Variants in GABRB3 observed in about 807,000 individuals in gnomAD.
GABRB3 encodes the protein gamma-aminobutyric acid receptor subunit beta-3.
A neutral mutation model predicts 52.1 loss-of-function variants in GABRB3; 14 were observed. The ratio of observed to expected loss-of-function variants is 0.27; its 90% CI spans 0.18 to 0.42. GABRB3 has a LOEUF of 0.42. Ranked by LOEUF, GABRB3 falls within the 10% of genes least tolerant of loss-of-function variation. The pLI is 1.00. For synonymous variants in GABRB3, 260 were observed against 232.3 expected (o/e 1.12, Z -1.08); for missense variants, 307 against 609.1 (o/e 0.50, Z 5.22).
rs28655093 is a variant in GABRB3, at chr15:26,551,842, G to C, written c.1081-3708C>G. On this transcript the variant is annotated intron_variant, in intron 8 of 8. Coordinates refer to ENST00000311550, the MANE Select transcript of GABRB3 (RefSeq NM_000814.6). Reference sequence around the variant, plus strand: ...GGCTGAGTGCTTGGAGATGGGAATGGACCGAGATCACACCACCTGTGCTGG... The same window carrying C: ...GGCTGAGTGCTTGGAGATGGGAATGCACCGAGATCACACCACCTGTGCTGG... Among the ~76,000 whole-genome samples, 1,277 of 151,054 alleles carry C rather than the reference G, an allele frequency of 8.5e-3. 18 individuals are homozygous for C. Among genetic ancestry groups the C allele is most frequent in the African/African-American group, 0.03 (1,220 of 41,050 alleles).
At chr15:26,601,457 A>G (rs1239541075) in intron 4 of GABRB3, among the ~76,000 whole-genome samples, 1 of 152,136 alleles carries the variant, frequency 6.6e-6, no homozygotes, top group Non-Finnish European at 1.5e-5. Flanking sequence ...TACTACAGAA[A>G]GCCACCACAA....
intron 3 of GABRB3, among the ~76,000 whole-genome samples, chr15:26,626,688 A>C (rs1196817056): frequency 6.6e-6 from 1 of 152,250 alleles, no homozygotes; most frequent in Non-Finnish European, 1.5e-5. Flanking sequence ...GACTCTCTTC[A>C]ATTCTGTGAA....
chr15:26,651,748 C>T (rs938859414), intron 3 of GABRB3, among the ~76,000 whole-genome samples: 1 of 152,158 alleles, frequency 6.6e-6, no homozygotes, highest in African/African-American at 2.4e-5. Flanking sequence ...TATGATGTGC[C>T]TTGCTCTCCA....
At chr15:26,673,553 T>C (rs1438590283) in intron 3 of GABRB3, among the ~76,000 whole-genome samples, 2 of 152,236 alleles carry the variant, frequency 1.3e-5, no homozygotes, top group South Asian at 2.1e-4. Flanking sequence ...GTGACACTGA[T>C]GATACGAATT....
chr15:26,663,406 T>C (rs1887608757), intron 3 of GABRB3, among the ~76,000 whole-genome samples: 1 of 152,240 alleles, frequency 6.6e-6, no homozygotes, highest in African/African-American at 2.4e-5. Context: ...ATTTCATGGT[T>C]TTGATGCACG....
At chr15:26,687,621 T>C (rs1343647885) in intron 3 of GABRB3, among the ~76,000 whole-genome samples, 1 of 152,206 alleles carries the variant, frequency 6.6e-6, no homozygotes, top group African/African-American at 2.4e-5. Flanking sequence ...AAAAATAGTA[T>C]AATATAAAAT....
intron 3 of GABRB3, among the ~76,000 whole-genome samples, chr15:26,696,357 C>CT (rs1888739187): frequency 6.6e-6 from 1 of 151,712 alleles, no homozygotes; most frequent in African/African-American, 2.4e-5. Flanking sequence ...AAGATAGGTA[C>CT]TACTGCTATT....
rs917383639 is a variant in GABRB3, at chr15:26,545,601, C to T, written c.*2192G>A. On this transcript the variant is annotated 3_prime_UTR_variant, in exon 9 of 9. Coordinates refer to ENST00000311550, the MANE Select transcript of GABRB3 (RefSeq NM_000814.6). ...CATGTGGACCTCACACCTTTAATTA[C>T]TGGATACAGAAAAAGATACCTGAAG... 1 of 152,486 alleles carries T rather than the reference C, an allele frequency of 6.6e-6. No homozygotes were observed. The highest frequency in any genetic ancestry group is 1.5e-5 in the Non-Finnish European group (1 of 68,034). 9.4% of individuals were successfully genotyped at this position (152,486 alleles called of 1,614,324 possible).
intron 4 of GABRB3, among the ~76,000 whole-genome samples, chr15:26,583,797 CAG>C (rs1890875672): frequency 8.2e-6 from 1 of 121,886 alleles, no homozygotes; most frequent in African/African-American, 3.2e-5. Flanking sequence ...TTTTTTTGAT[CAG>C]AGTCTTGCTC....
intron 3 of GABRB3, among the ~76,000 whole-genome samples, chr15:26,740,416 C>CG (rs1662837915): frequency 6.6e-6 from 1 of 151,930 alleles, no homozygotes; most frequent in Non-Finnish European, 1.5e-5. Context: ...CAAAGGATAC[C>CG]GCCAAGCAGA....
intron 3 of GABRB3, among the ~76,000 whole-genome samples, chr15:26,737,815 T>TAAAC (rs1890103088): frequency 6.6e-6 from 1 of 152,204 alleles, no homozygotes; most frequent in Admixed American, 6.5e-5. Flanking sequence ...TAATGTTATA[T>TAAAC]AAACATTCTC....
intron 3 of GABRB3, among the ~76,000 whole-genome samples, chr15:26,629,333 C>A (rs1595497261): frequency 1.3e-5 from 2 of 152,190 alleles, no homozygotes; most frequent in Admixed American, 1.3e-4. Flanking sequence ...AGGAGCCTGG[C>A]GGGCAAGCTC....
chr15:26,772,607 C>G (rs1211053902), intron 2 of GABRB3, 74 bp downstream of exon 2: 14 of 1,447,344 alleles, frequency 9.7e-6, no homozygotes, highest in Non-Finnish European at 1.2e-5. Flanking sequence ...CGGATGCGGC[C>G]CCCGCCTCCC....
chr15:26,721,792 G>C (rs1889650149), intron 3 of GABRB3, among the ~76,000 whole-genome samples: 1 of 151,988 alleles, frequency 6.6e-6, no homozygotes, highest in Non-Finnish European at 1.5e-5. Context: ...AGACACGGCT[G>C]CCTGGTGAGT....
intron 3 of GABRB3, among the ~76,000 whole-genome samples, chr15:26,735,250 T>C (rs1218937410): frequency 6.6e-6 from 1 of 152,190 alleles, no homozygotes; most frequent in East Asian, 1.9e-4. Context: ...CAAGTGTTGA[T>C]CGGGATGTGA....
intron 3 of GABRB3, among the ~76,000 whole-genome samples, chr15:26,684,697 C>A (rs1014967929): frequency 5.3e-5 from 8 of 151,906 alleles, no homozygotes; most frequent in African/African-American, 1.9e-4. Flanking sequence ...GAAAGGGAAG[C>A]CCAAAAACAG....
chr15:26,667,661 G>A (rs926685566), intron 3 of GABRB3, among the ~76,000 whole-genome samples: 1 of 152,180 alleles, frequency 6.6e-6, no homozygotes, highest in East Asian at 1.9e-4. Flanking sequence ...CTTCTGCTGT[G>A]GTCTCAGGCA....
intron 3 of GABRB3, among the ~76,000 whole-genome samples, chr15:26,740,362 G>A (rs10152421): frequency 0.24 from 36,378 of 151,846 alleles, 4,555 homozygotes; most frequent in Non-Finnish European, 0.26. Flanking sequence ...GAATAGGAGA[G>A]GGGGTTCACT....
rs1173780485 is a variant in GABRB3 at position 26,551,891 on chromosome 15, G to A, written c.1081-3757C>T. 2.0e-5 allele frequency among the ~76,000 whole-genome samples: 3 copies of A among 152,290 alleles called. No homozygotes were observed. In the East Asian group the frequency reaches 5.8e-4, roughly 29 times the overall value. On this transcript the variant is annotated intron_variant, in intron 8 of 8. Transcript: ENST00000311550. ...GGAAGAAGGCCCTTCATGGAGACACGTGATGTGGGGAGGTGAGGAGGGCAT... is the reference window on the plus strand; with the variant it reads ...GGAAGAAGGCCCTTCATGGAGACACATGATGTGGGGAGGTGAGGAGGGCAT...
Sources: gnomAD v4.1 joint callset for allele counts (sites outside exome capture counted in the v4.1 genomes callset) on GRCh38, gnomAD v4.1.1 for gene constraint, MANE v1.5 for transcripts, NCBI Gene and HGNC (gene_info 2026-07-23, HGNC 2026-07-21) for gene names.